Variants in CNTN4 observed in about 807,000 individuals in gnomAD.
The protein encoded by CNTN4 is contactin 4.
In CNTN4, 77 loss-of-function variants were observed where a neutral mutation model predicts 122.5. The observed-to-expected ratio is 0.63, with a 90% CI of 0.52 to 0.76. CNTN4 has a LOEUF of 0.76. CNTN4 is among the 30% of genes least tolerant of loss of function. The pLI is 0.00. For synonymous variants in CNTN4, 512 were observed against 447.0 expected, an observed-to-expected ratio of 1.15 and a Z score of -1.83; for missense variants, 1,256 against 1,259.1, an observed-to-expected ratio of 1.00 and a Z score of 0.04.
intron 3 of CNTN4, among the ~76,000 whole-genome samples, chr3:2,515,788 A>T (rs1435413705): frequency 6.6e-6 from 1 of 152,134 alleles, no homozygotes; most frequent in African/African-American, 2.4e-5. Flanking sequence ...AGCTAAATTA[A>T]TTTCATAATT....
intron 3 of CNTN4, among the ~76,000 whole-genome samples, chr3:2,339,560 C>A (rs2044101315): frequency 6.6e-6 from 1 of 152,026 alleles, no homozygotes; most frequent in Non-Finnish European, 1.5e-5. Flanking sequence ...TGTACTTTTG[C>A]CAAATGGTTT....
chr3:2,768,294 G>C (rs910500354), intron 6 of CNTN4, among the ~76,000 whole-genome samples: 1 of 152,144 alleles, frequency 6.6e-6, no homozygotes, highest in Non-Finnish European at 1.5e-5. Context: ...TTTTAAGCTT[G>C]TTTTGAAGGT....
intron 16 of CNTN4, among the ~76,000 whole-genome samples, chr3:3,033,867 G>T (rs1468026836): frequency 6.6e-6 from 1 of 152,162 alleles, no homozygotes; most frequent in Non-Finnish European, 1.5e-5. Context: ...CCCTTTCCAT[G>T]GTTTAAGTAC....
At position 2,819,523 on chromosome 3, in the gene CNTN4, G is replaced by A. The variant is rs772247450; in HGVS notation, c.396G>A (p.Val132=). The change falls in exon 7 of 25, where the codon GTG becomes GTA. Residue 132 remains valine, a synonymous_variant. Coordinates refer to ENST00000418658, the MANE Select transcript of CNTN4 (RefSeq NM_175607.3). ...TTAAAACAAGAACAAGAAGCACTGT[G>A]TCTGTCCGTCGAGGTCAAGGAATGG... ...DNFKTRTRST[V]SVRRGQGMVL... 6.2e-7 allele frequency: 1 copy of A among 1,614,150 alleles called. No homozygotes were observed. Among genetic ancestry groups the A allele is most frequent in the African/African-American group, 1.3e-5 (1 of 75,040 alleles).
At chr3:2,614,039 T>C (rs951585772) in intron 4 of CNTN4, among the ~76,000 whole-genome samples, 11 of 151,946 alleles carry the variant, frequency 7.2e-5, no homozygotes, top group Admixed American at 5.9e-4. Context: ...GAGAAAAAAA[T>C]AGAATAATCA....
intron 3 of CNTN4, among the ~76,000 whole-genome samples, chr3:2,470,962 A>C (rs1467543644): frequency 6.6e-6 from 1 of 152,248 alleles, no homozygotes; most frequent in Non-Finnish European, 1.5e-5. Flanking sequence ...CACATTTCCA[A>C]GGGAAAAGAT....
chr3:2,626,337 C>T (rs959495250), intron 4 of CNTN4, among the ~76,000 whole-genome samples: 1 of 150,992 alleles, frequency 6.6e-6, no homozygotes, highest in Non-Finnish European at 1.5e-5. Context: ...ACTAAAAATA[C>T]GAAAAAAAAA....
chr3:2,508,180 C>G (rs1470684714), intron 3 of CNTN4, among the ~76,000 whole-genome samples: 1 of 152,162 alleles, frequency 6.6e-6, no homozygotes, highest in Non-Finnish European at 1.5e-5. Flanking sequence ...TATTTTATTA[C>G]TGGCTCCATT....
intron 4 of CNTN4, among the ~76,000 whole-genome samples, chr3:2,717,424 CG>C (rs1559423562): frequency 6.6e-6 from 1 of 152,160 alleles, no homozygotes; most frequent in East Asian, 1.9e-4. Context: ...CGTTTTCACA[CG>C]TGTTTTCATA....
rs148137748 is a variant in CNTN4 at position 2,245,062 on chromosome 3, T to C, written c.-144-94116T>C. Among the ~76,000 whole-genome samples the C allele has an allele frequency of 1.2e-3, 188 of 152,152 alleles. 2 individuals are homozygous for C. Among genetic ancestry groups the C allele is most frequent in the African/African-American group, 4.3e-3 (177 of 41,534 alleles). Reference sequence around the variant, plus strand: ...CGTCTTCCATAATAGATACAATGGATGGTTTAATGTTAAATACCCTGAGAA... The same window carrying C: ...CGTCTTCCATAATAGATACAATGGACGGTTTAATGTTAAATACCCTGAGAA... On this transcript the variant is annotated intron_variant, in intron 2 of 24. Transcript: ENST00000418658.
chr3:2,350,625 C>G (rs1041652081), intron 3 of CNTN4, among the ~76,000 whole-genome samples: 1 of 152,010 alleles, frequency 6.6e-6, no homozygotes, highest in Non-Finnish European at 1.5e-5. Flanking sequence ...ACTTCTAAAG[C>G]TGTTATTCAC....
intron 2 of CNTN4, among the ~76,000 whole-genome samples, chr3:2,169,605 G>A (rs2727934): frequency 0.17 from 25,806 of 151,064 alleles, 2,496 homozygotes; most frequent in East Asian, 0.27. Context: ...CACCCTGCTA[G>A]CCAGGATGGT....
rs143073211 is a variant in CNTN4 at position 2,940,805 on chromosome 3, C to G, written c.1358+15026C>G. On this transcript the variant is annotated intron_variant, in intron 13 of 24. Transcript: ENST00000418658. ...ATCTCAATAATATGAGAGTCAAGGT[C>G]ATCTTCTGAAAGTCTGGTCATGGGG... is the stretch of plus-strand genomic sequence containing the variant. Among the ~76,000 whole-genome samples the G allele has an allele frequency of 1.6e-3, 240 of 152,230 alleles. 2 individuals are homozygous for G. Among genetic ancestry groups the G allele is most frequent in the Non-Finnish European group, 3.2e-4 (22 of 68,012 alleles).
chr3:2,423,245 C>G (rs2047679388), intron 3 of CNTN4, among the ~76,000 whole-genome samples: 1 of 152,184 alleles, frequency 6.6e-6, no homozygotes, highest in Admixed American at 6.5e-5. Context: ...TTTTGACAAA[C>G]AAACTTCTAA....
chr3:2,655,179 G>A (rs1486277076), intron 4 of CNTN4, among the ~76,000 whole-genome samples: 1 of 152,140 alleles, frequency 6.6e-6, no homozygotes, highest in East Asian at 1.9e-4. Context: ...CCTCCAGTGT[G>A]ATACAGAATC....
intron 3 of CNTN4, among the ~76,000 whole-genome samples, chr3:2,490,962 T>C (rs1384601372): frequency 6.6e-6 from 1 of 152,068 alleles, no homozygotes; most frequent in Non-Finnish European, 1.5e-5. Context: ...GATCTAGAGA[T>C]CAAGATACCA....
intron 2 of CNTN4, among the ~76,000 whole-genome samples, chr3:2,280,511 TGACA>T: frequency 6.6e-6 from 1 of 152,286 alleles, no homozygotes; most frequent in Middle Eastern, 3.4e-3. Context: ...CCACAGTTAG[TGACA>T]GACAGTCACT....
At chr3:2,445,120 A>T (rs1307413383) in intron 3 of CNTN4, among the ~76,000 whole-genome samples, 1 of 152,128 alleles carries the variant, frequency 6.6e-6, no homozygotes, top group Non-Finnish European at 1.5e-5. Context: ...ACTAATCCTG[A>T]AGGATAATGT....
intron 14 of CNTN4, among the ~76,000 whole-genome samples, chr3:3,015,777 G>A (rs1340529239): frequency 2.0e-5 from 3 of 152,124 alleles, no homozygotes; most frequent in Admixed American, 1.3e-4. Context: ...CATTGTCTTT[G>A]GAATTCATTG....
Sources: allele counts gnomAD v4.1 joint callset (sites outside exome capture counted in the v4.1 genomes callset), GRCh38; gene constraint gnomAD v4.1.1; transcripts MANE v1.5; gene names NCBI Gene and HGNC (gene_info 2026-07-23, HGNC 2026-07-21).